HECW1: variants seen among roughly 807,000 people sequenced by gnomAD.
HECW1 encodes E3 ubiquitin-protein ligase HECW1.
HECW1 carries 61 observed loss-of-function variants against 182.3 expected under a neutral mutation model. The ratio of observed to expected loss-of-function variants is 0.33; its 90% CI spans 0.27 to 0.41. The LOEUF is 0.41. HECW1 is among the 10% of genes least tolerant of loss of function. HECW1 has a pLI of 1.00. For missense variants in HECW1, 1,739 were observed against 2,108.9 expected, an observed-to-expected ratio of 0.82 and a Z score of 3.44; for synonymous variants, 859 against 832.6, an observed-to-expected ratio of 1.03 and a Z score of -0.55.
At chr7:43,127,387 G>A (rs1165297436) in intron 2 of HECW1, among the ~76,000 whole-genome samples, 1 of 152,028 alleles carries the variant, frequency 6.6e-6, no homozygotes, top group African/African-American at 2.4e-5. Flanking sequence ...GCCAGGTGTG[G>A]TGGCGCATGC....
intron 2 of HECW1, among the ~76,000 whole-genome samples, chr7:43,130,337 T>A (rs1786774838): frequency 6.6e-6 from 1 of 152,250 alleles, no homozygotes; most frequent in Admixed American, 6.5e-5. Context: ...AATTCATTTA[T>A]GTTTCATGTA....
At position 43,224,305 on chromosome 7, in the gene HECW1, T is replaced by G. The variant is rs76987201; in HGVS notation, c.-31-19570T>G. 3.5e-3 allele frequency among the ~76,000 whole-genome samples: 530 copies of G among 152,348 alleles called. 3 individuals carry two copies. Among genetic ancestry groups the G allele is most frequent in the African/African-American group, 0.012 (514 of 41,586 alleles). On this transcript the variant is annotated intron_variant, in intron 2 of 29. Transcript: ENST00000395891. ...GGGAATATCAGTAAGACATTATCCCTGCATCTCTAAGTTCATAGCCTAGTG... is the reference window on the plus strand; with the variant it reads ...GGGAATATCAGTAAGACATTATCCCGGCATCTCTAAGTTCATAGCCTAGTG...
intron 23 of HECW1, among the ~76,000 whole-genome samples, 158 bp downstream of exon 23, chr7:43,508,289 T>C (rs1359289984): frequency 6.6e-6 from 1 of 152,134 alleles, no homozygotes; most frequent in Non-Finnish European, 1.5e-5. Context: ...TTTTCAGGTA[T>C]TGCCAAGCTT....
intron 2 of HECW1, among the ~76,000 whole-genome samples, chr7:43,192,984 C>T (rs1029186396): frequency 6.6e-6 from 1 of 152,154 alleles, no homozygotes; most frequent in Non-Finnish European, 1.5e-5. Context: ...GTTTTTATGG[C>T]TATTTCTTGA....
chr7:43,484,770 A>T (rs2078565525), intron 17 of HECW1, among the ~76,000 whole-genome samples: 1 of 152,226 alleles, frequency 6.6e-6, no homozygotes, highest in African/African-American at 2.4e-5. Context: ...ATTTATACAT[A>T]AAAAGATCGT....
chr7:43,313,077 G>GTT (rs1808739109), intron 4 of HECW1, among the ~76,000 whole-genome samples: 1 of 152,142 alleles, frequency 6.6e-6, no homozygotes, highest in Non-Finnish European at 1.5e-5. Context: ...AGGGATCTTA[G>GTT]CTGACTAACT....
chr7:43,146,922 C>T (rs1788780576), intron 2 of HECW1, among the ~76,000 whole-genome samples: 1 of 152,194 alleles, frequency 6.6e-6, no homozygotes, highest in Non-Finnish European at 1.5e-5. Context: ...GATCATCAAA[C>T]TGGGATACAG....
intron 3 of HECW1, among the ~76,000 whole-genome samples, chr7:43,306,892 T>C (rs904231136): frequency 6.6e-6 from 1 of 152,160 alleles, no homozygotes; most frequent in Non-Finnish European, 1.5e-5. Flanking sequence ...TGTGCTATAC[T>C]CCATGAGACT....
intron 17 of HECW1, 139 bp downstream of exon 17, chr7:43,479,883 TAGA>T (rs1052517780): frequency 5.1e-6 from 5 of 980,378 alleles, no homozygotes; most frequent in Admixed American, 4.5e-5. Flanking sequence ...CCCTGCTTTG[TAGA>T]AGAATGATGA....
chr7:43,296,926 C>T (rs886551), intron 3 of HECW1, among the ~76,000 whole-genome samples: 39,043 of 151,972 alleles, frequency 0.26, 7,113 homozygotes, highest in African/African-American at 0.49. Flanking sequence ...CTATACCTCC[C>T]CTTTGCAGCT....
At chr7:43,285,796 AT>A (rs1221701158) in intron 3 of HECW1, among the ~76,000 whole-genome samples, 18 of 139,272 alleles carry the variant, frequency 1.3e-4, no homozygotes, top group Non-Finnish European at 2.1e-4. Context: ...TCAACAAAAA[AT>A]AAAATAAAAT....
chr7:43,473,622 G>T (rs1025194492), intron 16 of HECW1, among the ~76,000 whole-genome samples: 1 of 150,816 alleles, frequency 6.6e-6, no homozygotes, highest in South Asian at 2.1e-4. Context: ...CACCAGACTG[G>T]AATAAAAAAA....
chr7:43,214,550 C>T (rs1796278710), intron 2 of HECW1, among the ~76,000 whole-genome samples: 1 of 152,156 alleles, frequency 6.6e-6, no homozygotes, highest in South Asian at 2.1e-4. Flanking sequence ...CTTTCCCCTG[C>T]CCCTGTTTTG....
At chr7:43,211,205 G>A (rs1161341689) in intron 2 of HECW1, among the ~76,000 whole-genome samples, 2 of 152,158 alleles carry the variant, frequency 1.3e-5, no homozygotes, top group Non-Finnish European at 2.9e-5. Flanking sequence ...ATTCTTAGTC[G>A]GTTTAGGAAA....
At chr7:43,140,896 A>C (rs1462898582) in intron 2 of HECW1, among the ~76,000 whole-genome samples, 1 of 152,152 alleles carries the variant, frequency 6.6e-6, no homozygotes, top group Non-Finnish European at 1.5e-5. Context: ...CATCATAGAC[A>C]GAGACAGAAG....
intron 24 of HECW1, among the ~76,000 whole-genome samples, chr7:43,533,057 C>T (rs1226382823): frequency 5.3e-5 from 8 of 152,148 alleles, no homozygotes; most frequent in African/African-American, 1.7e-4. Flanking sequence ...TTTGCACCAT[C>T]ACTCTCCACC....
intron 2 of HECW1, among the ~76,000 whole-genome samples, chr7:43,133,615 C>G (rs1344434212): frequency 2.0e-5 from 3 of 151,660 alleles, no homozygotes; most frequent in African/African-American, 7.3e-5. Flanking sequence ...TTATATTTCT[C>G]TCTTTCTTTC....
At chr7:43,224,747 T>G (rs945708532) in intron 2 of HECW1, among the ~76,000 whole-genome samples, 2 of 152,172 alleles carry the variant, frequency 1.3e-5, no homozygotes, top group African/African-American at 4.8e-5. Flanking sequence ...CCCAGGAGGT[T>G]GAGGCTGCAG....
chr7:43,264,025 G>A (rs535511407), intron 3 of HECW1, among the ~76,000 whole-genome samples: 1 of 152,210 alleles, frequency 6.6e-6, no homozygotes, highest in East Asian at 1.9e-4. Flanking sequence ...TTTTATATAC[G>A]TTTATATTGT....
Sources: gnomAD v4.1 joint callset for allele counts (sites outside exome capture counted in the v4.1 genomes callset) on GRCh38, gnomAD v4.1.1 for gene constraint, MANE v1.5 for transcripts, NCBI Gene and HGNC (gene_info 2026-07-23, HGNC 2026-07-21) for gene names.